Variants in EPB41L3 observed in about 807,000 individuals in gnomAD.
EPB41L3 encodes the protein erythrocyte membrane protein band 4.1 like 3.
Under a neutral mutation model 127.1 loss-of-function variants are expected in EPB41L3, and 57 were observed. That is an observed-to-expected ratio of 0.45 (90% CI 0.36 to 0.56). The LOEUF is 0.56. EPB41L3 is among the 20% of genes least tolerant of loss of function. The pLI is 0.00. For missense variants in EPB41L3, 1,273 were observed against 1,372.2 expected (o/e 0.93, Z 1.14); for synonymous variants, 572 against 549.5 (o/e 1.04, Z -0.57).
intron 3 of EPB41L3, among the ~76,000 whole-genome samples, chr18:5,462,593 A>G (rs1179474058): frequency 6.6e-6 from 1 of 152,208 alleles, no homozygotes; most frequent in Non-Finnish European, 1.5e-5. Context: ...AAGCTGGAAC[A>G]GGGCAAAAAT....
intron 3 of EPB41L3, chr18:5,577,783 A>G (rs2094351111): frequency 6.5e-6 from 1 of 153,502 alleles, no homozygotes; most frequent in African/African-American, 2.4e-5. Context: ...TTAGTTATGT[A>G]TATATTGTTA....
At chr18:5,581,718 C>T (rs1395012404) in intron 3 of EPB41L3, among the ~76,000 whole-genome samples, 1 of 152,112 alleles carries the variant, frequency 6.6e-6, no homozygotes, top group Non-Finnish European at 1.5e-5. Context: ...TGATTAAGGC[C>T]AGGCATGGTG....
At chr18:5,431,376 T>C (rs1254174436) in intron 8 of EPB41L3, 2 of 152,214 alleles carry the variant, frequency 1.3e-5, no homozygotes, top group African/African-American at 4.8e-5. Context: ...CTTCAAATGA[T>C]GGAGTTTGGC....
intron 1 of EPB41L3, among the ~76,000 whole-genome samples, chr18:5,624,400 A>G (rs1161704278): frequency 6.6e-6 from 1 of 152,160 alleles, no homozygotes; most frequent in African/African-American, 2.4e-5. Context: ...TCCACATTCT[A>G]TTCTACTTTT....
chr18:5,602,268 C>A (rs531944583), intron 3 of EPB41L3, among the ~76,000 whole-genome samples: 1 of 152,128 alleles, frequency 6.6e-6, no homozygotes, highest in African/African-American at 2.4e-5. Flanking sequence ...AAATGCTGCA[C>A]GTTTTCCATC....
At chr18:5,449,250 T>C (rs1044728989) in intron 3 of EPB41L3, among the ~76,000 whole-genome samples, 2 of 151,540 alleles carry the variant, frequency 1.3e-5, no homozygotes, top group Non-Finnish European at 2.9e-5. Flanking sequence ...TCAAACATCA[T>C]TAGAGAACTG....
intron 3 of EPB41L3, among the ~76,000 whole-genome samples, chr18:5,473,164 G>A (rs914500700): frequency 4.6e-5 from 7 of 152,090 alleles, no homozygotes; most frequent in African/African-American, 1.7e-4. Context: ...TCTCTCTCCA[G>A]TGTGGCCCAT....
chr18:5,441,337 G>A (rs2146157962), intron 5 of EPB41L3, among the ~76,000 whole-genome samples: 1 of 152,198 alleles, frequency 6.6e-6, no homozygotes, highest in African/African-American at 2.4e-5. Context: ...TGGAGATGAT[G>A]GTACAATAAT....
chr18:5,536,798 T>A (rs1253673596), intron 1 of EPB41L3, among the ~76,000 whole-genome samples: 1 of 152,116 alleles, frequency 6.6e-6, no homozygotes, highest in East Asian at 1.9e-4. Flanking sequence ...GCCACTGCAC[T>A]CCAGCCTGGG....
intron 11 of EPB41L3, among the ~76,000 whole-genome samples, chr18:5,422,978 A>G (rs1447177684): frequency 6.6e-6 from 1 of 152,204 alleles, no homozygotes; most frequent in Non-Finnish European, 1.5e-5. Context: ...AGAAACAGAA[A>G]TAAATTTAAC....
intron 3 of EPB41L3, among the ~76,000 whole-genome samples, chr18:5,453,247 A>T (rs540602843): frequency 1.3e-5 from 2 of 152,318 alleles, no homozygotes; most frequent in East Asian, 3.9e-4. Flanking sequence ...AAATTAGAGA[A>T]ATCTGTCAAG....
At chr18:5,588,912 G>A (rs910006782) in intron 3 of EPB41L3, among the ~76,000 whole-genome samples, 9 of 151,652 alleles carry the variant, frequency 5.9e-5, no homozygotes, top group African/African-American at 1.9e-4. Context: ...TATTACAGAT[G>A]TATTTCCAGG....
intron 3 of EPB41L3, chr18:5,463,649 A>C (rs1444163101): frequency 6.6e-6 from 1 of 152,320 alleles, no homozygotes; most frequent in Non-Finnish European, 1.5e-5. Flanking sequence ...GCAAGACAGT[A>C]AGGACTTCAG....
chr18:5,577,544 C>T (rs1298951862), intron 3 of EPB41L3: 4 of 314,444 alleles, frequency 1.3e-5, no homozygotes, highest in Non-Finnish European at 2.5e-5. Flanking sequence ...CTCCAAAAAT[C>T]AAGCCGGGGC....
At chr18:5,480,037 G>A (rs2088108820) in intron 2 of EPB41L3, 1 of 152,152 alleles carries the variant, frequency 6.6e-6, no homozygotes. Flanking sequence ...AAGGTCATTA[G>A]AAGCTATTAA....
chr18:5,563,433 AAAT>A (rs1365515030), intron 3 of EPB41L3, among the ~76,000 whole-genome samples: 3 of 152,216 alleles, frequency 2.0e-5, no homozygotes, highest in Non-Finnish European at 2.9e-5. Context: ...TTTAAGCAAG[AAAT>A]AATAATATTA....
intron 1 of EPB41L3, among the ~76,000 whole-genome samples, chr18:5,539,860 TAAAAC>T (rs2093673703): frequency 6.6e-6 from 1 of 152,132 alleles, no homozygotes; most frequent in South Asian, 2.1e-4. Flanking sequence ...AATTAGTACA[TAAAAC>T]AAAAATGGAA....
At chr18:5,477,229 G>A (rs1180479952) in intron 3 of EPB41L3, among the ~76,000 whole-genome samples, 1 of 152,180 alleles carries the variant, frequency 6.6e-6, no homozygotes, top group East Asian at 1.9e-4. Context: ...ATGGGAAATA[G>A]GTGGGCTTGG....
chr18:5,439,511 G>C (rs1039945279), intron 5 of EPB41L3, among the ~76,000 whole-genome samples: 2 of 152,110 alleles, frequency 1.3e-5, no homozygotes, highest in African/African-American at 4.8e-5. Flanking sequence ...ATTAGTTATA[G>C]TTAATTCTTA....
Sources: gnomAD v4.1 joint callset for allele counts (sites outside exome capture counted in the v4.1 genomes callset) on GRCh38, gnomAD v4.1.1 for gene constraint, MANE v1.5 for transcripts, NCBI Gene and HGNC (gene_info 2026-07-23, HGNC 2026-07-21) for gene names.